PCDHGA10: variants seen among roughly 807,000 people sequenced by gnomAD.
The protein encoded by PCDHGA10 is protocadherin gamma-A10.
In PCDHGA10, 42 loss-of-function variants were observed where a neutral mutation model predicts 59.5. The ratio of observed to expected loss-of-function variants is 0.71; its 90% CI spans 0.55 to 0.91. The LOEUF is 0.91. PCDHGA10 is among the 40% of genes least tolerant of loss of function. PCDHGA10 has a pLI of 0.00. For missense variants in PCDHGA10, 1,111 were observed against 1,198.2 expected (o/e 0.93, Z 1.07); for synonymous variants, 511 against 517.2 (o/e 0.99, Z 0.16).
intron 1 of PCDHGA10, among the ~76,000 whole-genome samples, chr5:141,462,678 T>G (rs923728894): frequency 1.3e-5 from 2 of 152,210 alleles, no homozygotes; most frequent in South Asian, 4.1e-4. Flanking sequence ...TTCTTTAAAT[T>G]TTTGAGCACA....
At chr5:141,426,767 A>G (rs1219028777) in intron 1 of PCDHGA10, 1 of 456,548 alleles carries the variant, frequency 2.2e-6, no homozygotes, top group Admixed American at 2.3e-5. Flanking sequence ...ATGCAGATGT[A>G]GGGCCTCACT....
Position 141,428,071 on chromosome 5 carries a change from C to T in PCDHGA10, c.2436+12460C>T, listed in dbSNP as rs968712502. ...AAGGTGGTGGCGGTGGACGCAGATTCGGGACACAACGCTTGGCTGTCCTAC... is the reference window on the plus strand; with the variant it reads ...AAGGTGGTGGCGGTGGACGCAGATTTGGGACACAACGCTTGGCTGTCCTAC... On this transcript the variant is annotated intron_variant, in intron 1 of 3. Transcript: ENST00000398610. The T allele has an allele frequency of 5.6e-6, 9 of 1,609,140 alleles. No homozygotes were observed. In the Middle Eastern group the frequency reaches 1.0e-3, roughly 184 times the overall value.
chr5:141,445,564 G>A (rs564704836), intron 1 of PCDHGA10, among the ~76,000 whole-genome samples: 20 of 152,306 alleles, frequency 1.3e-4, no homozygotes, highest in Admixed American at 1.2e-3. Context: ...CTAAGAGAAA[G>A]CTTATAGTAG....
rs1379023118 is a variant in PCDHGA10, at chr5:141,487,609, G to A, written c.2437-7198G>A. ...GCCCACCCTCTGATCTTCTCTATGG[G>A]CTAGAGGTGAGACCTTTGCAGGCTC... On this transcript the variant is annotated intron_variant, in intron 1 of 3. Transcript: ENST00000398610. The surrounding 1 kb of genome is among the most constrained non-coding windows in gnomAD (Gnocchi z 5.0). 1 of 1,614,202 alleles carries A rather than the reference G, an allele frequency of 6.2e-7. No individual in the cohort carries two copies. The highest frequency in any genetic ancestry group is 1.1e-5 in the South Asian group (1 of 91,084).
At chr5:141,444,659 C>G (rs2098443878) in intron 1 of PCDHGA10, among the ~76,000 whole-genome samples, 1 of 152,032 alleles carries the variant, frequency 6.6e-6, no homozygotes, top group African/African-American at 2.4e-5. Context: ...GAAGTTATTT[C>G]CCATTTTTTT....
Position 141,481,350 on chromosome 5 carries a change from T to C in PCDHGA10, c.2437-13457T>C, listed in dbSNP as rs901892475. Among the ~76,000 whole-genome samples, 4 of 152,248 alleles carry C rather than the reference T, an allele frequency of 2.6e-5. No homozygotes were observed. The South Asian group carries it at 8.3e-4, about 32-fold the overall frequency. On this transcript the variant is annotated intron_variant, in intron 1 of 3. Coordinates refer to ENST00000398610, the MANE Select transcript of PCDHGA10 (RefSeq NM_018913.3). The stretch of plus-strand genomic sequence containing the variant: ...CCTGGACAACTATTATTTAAACATC[T>C]ACAGCTGTTCAATAGATATTGGGTT...
At chr5:141,483,737 G>A (rs1052778197) in intron 1 of PCDHGA10, among the ~76,000 whole-genome samples, 4 of 152,102 alleles carry the variant, frequency 2.6e-5, no homozygotes, top group South Asian at 2.1e-4. Context: ...TAGTCAAAAG[G>A]ATATTCCTGA....
At chr5:141,454,567 C>T (rs572130062) in intron 1 of PCDHGA10, among the ~76,000 whole-genome samples, 10 of 150,966 alleles carry the variant, frequency 6.6e-5, no homozygotes, top group South Asian at 2.1e-4. Context: ...CCACCACGCC[C>T]GGCTAATTTT....
At chr5:141,505,552 T>C (rs920594597) in intron 3 of PCDHGA10, 71 bp downstream of exon 3, 8 of 1,608,230 alleles carry the variant, frequency 5.0e-6, no homozygotes, top group Non-Finnish European at 6.8e-6. Context: ...ACAGCCACCA[T>C]GCCCACGGAC....
intron 1 of PCDHGA10, chr5:141,422,386 A>G: frequency 1.3e-6 from 2 of 1,587,922 alleles, no homozygotes; most frequent in Non-Finnish European, 1.7e-6. Flanking sequence ...CTCCTGTTTT[A>G]TTCCTAACCA....
rs1479003983 is a variant in PCDHGA10, at chr5:141,485,352, C to T, written c.2437-9455C>T. On this transcript the variant is annotated intron_variant, in intron 1 of 3. Coordinates refer to ENST00000398610, the MANE Select transcript of PCDHGA10 (RefSeq NM_018913.3). This position sits in a 1 kb window ranked among gnomAD's most constrained non-coding sequence, Gnocchi z 5.7. ...TTCCTGCTGGATACGGACAGTCTGT[C>T]AGCTCGCAGGCTGCAGGTCGCTGGA... 1 of 1,614,136 alleles carries T rather than the reference C, an allele frequency of 6.2e-7. No homozygotes were observed. The highest frequency in any genetic ancestry group is 8.5e-7 in the Non-Finnish European group (1 of 1,180,012).
intron 1 of PCDHGA10, among the ~76,000 whole-genome samples, chr5:141,457,698 G>C (rs1008393847): frequency 7.9e-5 from 12 of 152,234 alleles, no homozygotes; most frequent in Admixed American, 5.2e-4. Flanking sequence ...GATTGGCTTT[G>C]ATGAAACACT....
At position 141,512,133 on chromosome 5, in the gene PCDHGA10, G is replaced by C. The variant is rs1394116556; in HGVS notation, c.*960G>C. 1 of 152,708 alleles carries C rather than the reference G, an allele frequency of 6.5e-6. No homozygotes were observed. Among genetic ancestry groups the C allele is most frequent in the Non-Finnish European group, 1.5e-5 (1 of 68,102 alleles). The allele number at this position is 152,708 out of a possible 1,614,324, so 9.5% of individuals were successfully genotyped here. On this transcript the variant is annotated 3_prime_UTR_variant, in exon 4 of 4. Transcript: ENST00000398610. ...CCACTACATAATAGGGCTCAGCCCA[G>C]GCAGCCAGCTTTGGGCTGAGCTAAC...
In PCDHGA10 at chr5:141,477,143, G is replaced by T; in HGVS notation, c.2437-17664G>T. On this transcript the variant is annotated intron_variant, in intron 1 of 3. Transcript: ENST00000398610. The surrounding 1 kb of genome is among the most constrained non-coding windows in gnomAD (Gnocchi z 4.9). The stretch of plus-strand genomic sequence containing the variant: ...ACATTGCAAAGTGTTGGTGGAGGTT[G>T]TGGATGTGAATGACAACGCCCCGGA... The T allele has an allele frequency of 6.2e-7, 1 of 1,614,198 alleles. No homozygotes were observed. The highest frequency in any genetic ancestry group is 8.5e-7 in the Non-Finnish European group (1 of 1,180,036).
In PCDHGA10 at chr5:141,477,097, G is replaced by A; in HGVS notation, c.2437-17710G>A. ...AGATTTACATCCAGGCCAAAGACAAGGGCGCCAATCCCGAAGGAGCACATT... is the reference window on the plus strand; with the variant it reads ...AGATTTACATCCAGGCCAAAGACAAAGGCGCCAATCCCGAAGGAGCACATT... On this transcript the variant is annotated intron_variant, in intron 1 of 3. Transcript: ENST00000398610. This position sits in a 1 kb window ranked among gnomAD's most constrained non-coding sequence, Gnocchi z 4.9. 1 of 1,614,242 alleles carries A rather than the reference G, an allele frequency of 6.2e-7. No homozygotes were observed. Among genetic ancestry groups the A allele is most frequent in the South Asian group, 1.1e-5 (1 of 91,088 alleles).
chr5:141,465,606 T>C (rs192541390), intron 1 of PCDHGA10, among the ~76,000 whole-genome samples: 22 of 152,338 alleles, frequency 1.4e-4, no homozygotes, highest in African/African-American at 5.3e-4. Context: ...TATCACTCTT[T>C]GGCCCTCCAG....
chr5:141,454,172 C>T (rs1001368287), intron 1 of PCDHGA10, among the ~76,000 whole-genome samples: 4 of 152,126 alleles, frequency 2.6e-5, no homozygotes, highest in Non-Finnish European at 5.9e-5. Context: ...TCTAGAAGGG[C>T]AGCTAAAGGA....
intron 1 of PCDHGA10, chr5:141,440,034 A>T (rs995962283): frequency 6.5e-6 from 1 of 153,052 alleles, no homozygotes; most frequent in African/African-American, 2.4e-5. Context: ...AGTGTCGAGG[A>T]CATGCCCACT....
intron 1 of PCDHGA10, chr5:141,428,189 CTCTCTGCGCCGCTACGCTTCACCTAG>C: frequency 7.0e-7 from 1 of 1,429,262 alleles, no homozygotes; most frequent in Non-Finnish European, 9.7e-7. Flanking sequence ...ACAGCCGCCG[CTCTCTGCGCCGCTACGCTTCACCTAG>C]TCTTCGCAGA....
Sources: gnomAD v4.1 joint callset for allele counts (sites outside exome capture counted in the v4.1 genomes callset) on GRCh38, gnomAD v4.1.1 for gene constraint, Gnocchi (gnomAD v3.1) non-coding constraint, MANE v1.5 for transcripts, NCBI Gene and HGNC (gene_info 2026-07-23, HGNC 2026-07-21) for gene names.